Variants in NEO1 observed in about 807,000 individuals in gnomAD.
NEO1 encodes neogenin.
A neutral mutation model predicts 159.7 loss-of-function variants in NEO1; 63 were observed. The observed-to-expected ratio is 0.39, with a 90% CI of 0.32 to 0.49. The LOEUF (loss-of-function observed/expected upper bound fraction) is 0.49. NEO1 is among the 20% of genes least tolerant of loss of function. The pLI is 0.85. For missense variants in NEO1, 1,615 were observed against 1,831.0 expected (o/e 0.88, Z 2.15); for synonymous variants, 633 against 662.0 (o/e 0.96, Z 0.67).
At chr15:73,057,594 A>T (rs1178570190) in intron 1 of NEO1, among the ~76,000 whole-genome samples, 3 of 152,192 alleles carry the variant, frequency 2.0e-5, no homozygotes, top group African/African-American at 7.2e-5. Flanking sequence ...GGACATAGCT[A>T]GTGAAAGATG....
At chr15:73,236,585 A>G in intron 8 of NEO1, 79 bp downstream of exon 8, 1 of 1,280,650 alleles carries the variant, frequency 7.8e-7, no homozygotes, top group South Asian at 1.3e-5. Flanking sequence ...GGCTCTTGGT[A>G]TCTGTACCAA....
At chr15:73,289,767 A>AC (rs1470228303) in intron 25 of NEO1, among the ~76,000 whole-genome samples, 3 of 152,038 alleles carry the variant, frequency 2.0e-5, no homozygotes, top group African/African-American at 7.2e-5. Flanking sequence ...ATGTAGTGGG[A>AC]CCCCATCTCT....
chr15:73,055,166 A>G (rs1453701386), intron 1 of NEO1, among the ~76,000 whole-genome samples: 1 of 152,176 alleles, frequency 6.6e-6, no homozygotes, highest in Admixed American at 6.5e-5. Context: ...AAAAGGGCAG[A>G]TTACTGAAAA....
chr15:73,217,742 T>A (rs2037982913), intron 7 of NEO1, among the ~76,000 whole-genome samples: 1 of 152,198 alleles, frequency 6.6e-6, no homozygotes, highest in Non-Finnish European at 1.5e-5. Flanking sequence ...GTTATTGGTG[T>A]ATAAGAATGC....
At chr15:73,257,151 A>AAAAAAAAAAAAAAAAAAAAAAAAAAT (rs2040401417) in intron 13 of NEO1, among the ~76,000 whole-genome samples, 1 of 147,032 alleles carries the variant, frequency 6.8e-6, no homozygotes, top group South Asian at 2.1e-4. Context: ...AAAAAAAAAA[A>AAAAAAAAAAAAAAAAAAAAAAAAAAT]AAGTTTCATA....
intron 11 of NEO1, 58 bp from the exon 12 acceptor site, chr15:73,253,339 CATG>C: frequency 1.0e-6 from 1 of 968,730 alleles, no homozygotes; most frequent in African/African-American, 1.6e-5. Flanking sequence ...AAGATGATCA[CATG>C]ATGGGTGATG....
At chr15:73,138,921 A>G (rs1253220658) in intron 5 of NEO1, among the ~76,000 whole-genome samples, 1 of 152,166 alleles carries the variant, frequency 6.6e-6, no homozygotes, top group Admixed American at 6.5e-5. Flanking sequence ...CAGAAGTCAT[A>G]TGTGACTTCC....
Position 73,249,998 on chromosome 15 carries a change from G to A in NEO1, c.1894+277G>A, listed in dbSNP as rs564640998. Among the ~76,000 whole-genome samples, 11 of 152,272 alleles carry A rather than the reference G, an allele frequency of 7.2e-5. No homozygotes were observed. The South Asian group carries it at 2.3e-3, about 32-fold the overall frequency. On this transcript the variant is annotated intron_variant, in intron 11 of 28. Coordinates refer to ENST00000261908, the MANE Select transcript of NEO1 (RefSeq NM_002499.4). ...CTCAGCGTTTGTGTTTTTAGCAGAA[G>A]CTTTTGTGTAAGTAAATACTATTGC... is the stretch of plus-strand genomic sequence containing the variant.
intron 11 of NEO1, among the ~76,000 whole-genome samples, chr15:73,250,184 A>G (rs1301502689): frequency 6.6e-6 from 1 of 152,080 alleles, no homozygotes; most frequent in African/African-American, 2.4e-5. Flanking sequence ...ATATATATAT[A>G]TACACCCATA....
chr15:73,152,354 C>G (rs2033440420), intron 5 of NEO1, among the ~76,000 whole-genome samples: 1 of 152,150 alleles, frequency 6.6e-6, no homozygotes, highest in African/African-American at 2.4e-5. Flanking sequence ...GGAAAGAATA[C>G]TGACATCATG....
chr15:73,198,624 G>GA (rs2036676915), intron 7 of NEO1, among the ~76,000 whole-genome samples: 1 of 151,894 alleles, frequency 6.6e-6, no homozygotes, highest in Non-Finnish European at 1.5e-5. Flanking sequence ...TTTAGGTCCA[G>GA]AAAAATCTTA....
intron 22 of NEO1, among the ~76,000 whole-genome samples, chr15:73,282,532 A>C (rs2041770414): frequency 6.6e-6 from 1 of 152,224 alleles, no homozygotes; most frequent in Non-Finnish European, 1.5e-5. Flanking sequence ...CCTGTTGGGG[A>C]AAACTTCTGC....
Position 73,116,807 on chromosome 15 carries a change from T to C in NEO1, c.398T>C (p.Val133Ala). Residue 133 changes from valine (V) to alanine (A), a missense_variant, in exon 2 of 29, where the codon GTT (valine) becomes GCT (alanine). Physicochemically the swap from Val to Ala is moderately conservative, Grantham distance 64. Coordinates refer to ENST00000261908, the MANE Select transcript of NEO1 (RefSeq NM_002499.4). ...GGTTATTATCAGTGTGTGGCCACTG[T>C]TGAGAGTCTTGGAACTATTATCAGT... ...DEGYYQCVAT[V>A]ESLGTIISRT... 6.2e-7 allele frequency: 1 copy of C among 1,610,376 alleles called. No homozygotes were observed. Among genetic ancestry groups the C allele is most frequent in the Non-Finnish European group, 8.5e-7 (1 of 1,178,694 alleles).
At position 73,243,541 on chromosome 15, in the gene NEO1, C is replaced by G. The variant is rs574955245; in HGVS notation, c.1452-803C>G. 6.6e-5 allele frequency among the ~76,000 whole-genome samples: 10 copies of G among 152,288 alleles called. No individual in the cohort carries two copies. In the South Asian group the frequency reaches 1.0e-3, roughly 16 times the overall value. The stretch of plus-strand genomic sequence containing the variant: ...TGTTGAAAACTCTTGATTATGCAGT[C>G]TGGTTTTCATTCTAGTGAGTACAGT... On this transcript the variant is annotated intron_variant, in intron 8 of 28. Coordinates refer to ENST00000261908, the MANE Select transcript of NEO1 (RefSeq NM_002499.4).
intron 7 of NEO1, among the ~76,000 whole-genome samples, chr15:73,235,634 T>C (rs1220999129): frequency 6.6e-6 from 1 of 152,222 alleles, no homozygotes; most frequent in Non-Finnish European, 1.5e-5. Context: ...GAATTTTTGG[T>C]TCAGGATTTT....
chr15:73,222,402 C>T (rs575661778), intron 7 of NEO1, among the ~76,000 whole-genome samples: 18 of 151,976 alleles, frequency 1.2e-4, no homozygotes, highest in East Asian at 5.8e-4. Flanking sequence ...CCGTGCCTGG[C>T]GGTAATTTTT....
chr15:73,251,283 G>A (rs2040051210), intron 11 of NEO1, among the ~76,000 whole-genome samples: 1 of 151,924 alleles, frequency 6.6e-6, no homozygotes, highest in Non-Finnish European at 1.5e-5. Flanking sequence ...GGCCAAGTCG[G>A]GCAACTTACT....
In NEO1 at chr15:73,292,488, A is replaced by C. The variant is rs1011502037; in HGVS notation, c.3743-902A>C. 5.1e-4 allele frequency among the ~76,000 whole-genome samples: 78 copies of C among 152,294 alleles called. 2 individuals are homozygous for C. The highest frequency in any genetic ancestry group is 4.6e-3 in the Admixed American group (70 of 15,294). On this transcript the variant is annotated intron_variant, in intron 25 of 28. Transcript: ENST00000261908. ...CAACCACTCCAAGGGAGTTCCTCAGAAAAGTTTATTCTCAGACTCTGGGCT... is the reference window on the plus strand; with the variant it reads ...CAACCACTCCAAGGGAGTTCCTCAGCAAAGTTTATTCTCAGACTCTGGGCT...
intron 7 of NEO1, among the ~76,000 whole-genome samples, chr15:73,203,424 C>T (rs1429070269): frequency 6.6e-6 from 1 of 152,066 alleles, no homozygotes. Context: ...CTGATAATCC[C>T]TGTCACTTAA....
Sources: allele counts gnomAD v4.1 joint callset (sites outside exome capture counted in the v4.1 genomes callset), GRCh38; gene constraint gnomAD v4.1.1; transcripts MANE v1.5; gene names NCBI Gene and HGNC (gene_info 2026-07-23, HGNC 2026-07-21).